The following LARP4B variants were observed in gnomAD, a reference collection of about 807,000 sequenced individuals.
LARP4B encodes La ribonucleoprotein 4B.
Under a neutral mutation model 89.8 loss-of-function variants are expected in LARP4B, and 12 were observed. The observed-to-expected ratio is 0.13, with a 90% CI of 0.09 to 0.22. The LOEUF (loss-of-function observed/expected upper bound fraction) is 0.22. LARP4B is among the 10% of genes least tolerant of loss of function. The pLI is 1.00. For synonymous variants in LARP4B, 367 were observed against 363.3 expected (o/e 1.01, Z -0.12); for missense variants, 757 against 947.7 (o/e 0.80, Z 2.64).
the LARP4B span, among the ~76,000 whole-genome samples, chr10:946,712 G>A: frequency 6.6e-6 from 1 of 152,278 alleles, no homozygotes; most frequent in Admixed American, 6.5e-5. Context: ...ACTATTCTGT[G>A]ACTGAACAGA....
At chr10:882,110 G>A (rs1427731235) in intron 3 of LARP4B, among the ~76,000 whole-genome samples, 1 of 152,104 alleles carries the variant, frequency 6.6e-6, no homozygotes, top group African/African-American at 2.4e-5. Flanking sequence ...CCTGGGGGTG[G>A]GCTGGGGGTT....
At chr10:891,610 AT>A (rs1175823114) in intron 1 of LARP4B, among the ~76,000 whole-genome samples, 1 of 152,212 alleles carries the variant, frequency 6.6e-6, no homozygotes, top group African/African-American at 2.4e-5. Flanking sequence ...GAAGTTCACT[AT>A]ACTATTCTGT....
chr10:868,958 G>A (rs1326752599), intron 3 of LARP4B, among the ~76,000 whole-genome samples: 2 of 152,152 alleles, frequency 1.3e-5, no homozygotes, highest in Non-Finnish European at 1.5e-5. Flanking sequence ...ACACTGCTTC[G>A]ATAAATGTCT....
At chr10:965,455 AC>A in the LARP4B span, among the ~76,000 whole-genome samples, 1 of 152,032 alleles carries the variant, frequency 6.6e-6, no homozygotes. Flanking sequence ...TCTCGGTTAC[AC>A]AATTCGAAGG....
At position 830,472 on chromosome 10, in the gene LARP4B, G is replaced by A. The variant is rs568180021; in HGVS notation, c.861+395C>T. On this transcript the variant is annotated intron_variant, in intron 9 of 17. Coordinates refer to ENST00000316157, the MANE Select transcript of LARP4B (RefSeq NM_015155.3). ...AGCAGGAAAACTACTAACTCCTCAC[G>A]CCTCCTTACAGAGCTTACTTCTCAA... is the stretch of plus-strand genomic sequence containing the variant. 3.9e-5 allele frequency among the ~76,000 whole-genome samples: 6 copies of A among 152,184 alleles called. No individual in the cohort carries two copies. In the East Asian group the frequency reaches 7.7e-4, roughly 20 times the overall value.
intron 1 of LARP4B, among the ~76,000 whole-genome samples, chr10:913,321 T>G (rs1836726372): frequency 6.6e-6 from 1 of 152,270 alleles, no homozygotes; most frequent in East Asian, 1.9e-4. Flanking sequence ...TCTTTACTTT[T>G]ATGTATCATA....
At chr10:844,826 A>C (rs1833696444) in intron 6 of LARP4B, 151 bp downstream of exon 6, 1 of 520,176 alleles carries the variant, frequency 1.9e-6, no homozygotes, top group East Asian at 3.3e-5. Flanking sequence ...AAATGTCAAA[A>C]GACTGTCATT....
At chr10:950,718 T>C in the LARP4B span, among the ~76,000 whole-genome samples, 1 of 152,222 alleles carries the variant, frequency 6.6e-6, no homozygotes, top group African/African-American at 2.4e-5. Flanking sequence ...GTACATGTCT[T>C]AGATTTATAC....
At chr10:957,215 T>C in the LARP4B span, among the ~76,000 whole-genome samples, 1 of 152,152 alleles carries the variant, frequency 6.6e-6, no homozygotes, top group Non-Finnish European at 1.5e-5. Flanking sequence ...CAGGCTGGAG[T>C]GCAGTGGCAC....
At chr10:826,317 C>T (rs1832618589) in intron 11 of LARP4B, among the ~76,000 whole-genome samples, 1 of 152,216 alleles carries the variant, frequency 6.6e-6, no homozygotes, top group Non-Finnish European at 1.5e-5. Context: ...CTTCATCCAA[C>T]CACAGCCTGA....
intron 1 of LARP4B, among the ~76,000 whole-genome samples, chr10:905,518 C>T (rs1836464678): frequency 6.6e-6 from 1 of 152,196 alleles, no homozygotes; most frequent in African/African-American, 2.4e-5. Flanking sequence ...AGGATCCTAT[C>T]TTCATTAGTC....
chr10:934,638 C>T (rs1162682573), upstream of LARP4B, among the ~76,000 whole-genome samples: 1 of 152,098 alleles, frequency 6.6e-6, no homozygotes, highest in Non-Finnish European at 1.5e-5. Flanking sequence ...AAGAAACATC[C>T]ATTTTCACCT....
chr10:949,700 T>TG, the LARP4B span, among the ~76,000 whole-genome samples: 1 of 152,268 alleles, frequency 6.6e-6, no homozygotes, highest in African/African-American at 2.4e-5. Context: ...GCCCACTATG[T>TG]TCGGTGTCAT....
At chr10:827,621 C>G (rs1200506007) in intron 11 of LARP4B, among the ~76,000 whole-genome samples, 1 of 152,186 alleles carries the variant, frequency 6.6e-6, no homozygotes. Context: ...CTGGCACACA[C>G]CGCAACCTGA....
At position 864,181 on chromosome 10, in the gene LARP4B, G is replaced by A. The variant is rs202113556; in HGVS notation, c.231C>T (p.Asp77=). Residue 77 remains aspartate (D), a synonymous_variant, in exon 4 of 18, where the codon GAC becomes GAT. Transcript: ENST00000316157. ...CCTCCTCCCATGCAGCACTCACACC[G>A]TCAGCAGCACTGCTTGCTTCCAGAT... is the stretch of plus-strand genomic sequence containing the variant. ...VLHLEASSAA[D]GVSAAWEEVA... is the part of the protein sequence containing the mutation. The A allele has an allele frequency of 2.7e-5, 43 of 1,614,190 alleles. No homozygotes were observed. In the Admixed American group the frequency reaches 2.7e-4, roughly 10 times the overall value.
chr10:857,014 C>G (rs1834339191), intron 5 of LARP4B, among the ~76,000 whole-genome samples: 1 of 152,066 alleles, frequency 6.6e-6, no homozygotes, highest in East Asian at 1.9e-4. Flanking sequence ...ACTCCCAGGC[C>G]TCTTATGGAA....
chr10:900,605 AAG>A (rs1836314703), intron 1 of LARP4B, among the ~76,000 whole-genome samples: 1 of 147,416 alleles, frequency 6.8e-6, no homozygotes, highest in South Asian at 2.1e-4. Flanking sequence ...CCAGCTAAAA[AAG>A]GATATATTTC....
intron 5 of LARP4B, among the ~76,000 whole-genome samples, chr10:856,157 G>C (rs542475926): frequency 6.6e-6 from 1 of 152,282 alleles, no homozygotes; most frequent in South Asian, 2.1e-4. Context: ...AGAAAAAAAT[G>C]ATAAACTTGA....
downstream of LARP4B, chr10:809,309 T>C (rs1313104993): frequency 6.6e-6 from 1 of 152,264 alleles, no homozygotes; most frequent in Non-Finnish European, 1.5e-5. Flanking sequence ...GTCACAGTAA[T>C]GGCTGTCTCC....
Sources: allele counts gnomAD v4.1 joint callset (sites outside exome capture counted in the v4.1 genomes callset), GRCh38; gene constraint gnomAD v4.1.1; transcripts MANE v1.5; gene names NCBI Gene and HGNC (gene_info 2026-07-23, HGNC 2026-07-21).